FREM1: variants seen among roughly 807,000 people sequenced by gnomAD.
FREM1 encodes FRAS1-related extracellular matrix protein 1.
In FREM1, 220 loss-of-function variants were observed where a neutral mutation model predicts 210.1. The observed-to-expected ratio is 1.05, with a 90% CI of 0.94 to 1.17. FREM1 has a LOEUF of 1.17. Among genes scored for constraint, FREM1 ranks in the 50% most tolerant of loss-of-function variants. FREM1 has a pLI of 0.00. For missense variants in FREM1, 3,454 were observed against 2,675.5 expected (o/e 1.29, Z -6.42); for synonymous variants, 1,189 against 980.2 (o/e 1.21, Z -3.98).
At chr9:14,903,738 T>C (rs1215842729) in intron 1 of FREM1, among the ~76,000 whole-genome samples, 2 of 152,208 alleles carry the variant, frequency 1.3e-5, no homozygotes, top group Non-Finnish European at 2.9e-5. Flanking sequence ...TATAAATAAA[T>C]GAAATTAGCA....
At chr9:14,857,431 G>T in intron 5 of FREM1, 122 bp downstream of exon 5, 1 of 843,836 alleles carries the variant, frequency 1.2e-6, no homozygotes, top group Non-Finnish European at 2.1e-6. Context: ...TGAGTCGCTG[G>T]CAGTTTTACC....
At chr9:14,887,465 C>G (rs1836020307) in intron 1 of FREM1, among the ~76,000 whole-genome samples, 2 of 152,168 alleles carry the variant, frequency 1.3e-5, no homozygotes, top group Non-Finnish European at 2.9e-5. Context: ...AACTGTAAAG[C>G]AGATTCTTCT....
intron 8 of FREM1, among the ~76,000 whole-genome samples, chr9:14,844,742 T>C (rs919396822): frequency 1.3e-4 from 20 of 152,244 alleles, no homozygotes; most frequent in African/African-American, 4.8e-4. Context: ...TGAGGAGTTG[T>C]ATGTGACATA....
intron 18 of FREM1, among the ~76,000 whole-genome samples, chr9:14,805,642 T>C (rs10117322): frequency 0.055 from 8,445 of 152,288 alleles, 421 homozygotes; most frequent in East Asian, 0.27. Context: ...TATTTTGACA[T>C]GGGCTTAAAT....
intron 24 of FREM1, among the ~76,000 whole-genome samples, chr9:14,780,166 T>C (rs1381730698): frequency 6.6e-6 from 1 of 152,096 alleles, no homozygotes; most frequent in Non-Finnish European, 1.5e-5. Flanking sequence ...AAGTTGGTGG[T>C]AGCAGCTCCT....
chr9:14,825,427 G>GCAGTGGGCTGAGATCA (rs1822161397), intron 10 of FREM1, among the ~76,000 whole-genome samples: 1 of 148,404 alleles, frequency 6.7e-6, no homozygotes, highest in African/African-American at 2.5e-5. Flanking sequence ...GGAGGAGGTT[G>GCAGTGGGCTGAGATCA]CAGTGGGCTG....
intron 25 of FREM1, among the ~76,000 whole-genome samples, chr9:14,774,700 G>C (rs1055489581): frequency 5.3e-5 from 8 of 152,150 alleles, no homozygotes; most frequent in African/African-American, 1.7e-4. Context: ...TCAAGGGTTT[G>C]AGAGCCAGAA....
At chr9:14,780,463 T>G (rs1849484941) in intron 24 of FREM1, among the ~76,000 whole-genome samples, 2 of 100,514 alleles carry the variant, frequency 2.0e-5, no homozygotes, top group South Asian at 6.8e-4. Flanking sequence ...CCAGCCGGCA[T>G]GTCAAAATGG....
intron 1 of FREM1, among the ~76,000 whole-genome samples, chr9:14,890,852 T>C (rs1486581584): frequency 1.3e-5 from 2 of 152,212 alleles, no homozygotes; most frequent in Non-Finnish European, 2.9e-5. Context: ...TCAAAGCCTC[T>C]TAAACCATCA....
At chr9:14,806,087 T>G (rs1818290243) in intron 18 of FREM1, among the ~76,000 whole-genome samples, 1 of 152,206 alleles carries the variant, frequency 6.6e-6, no homozygotes, top group African/African-American at 2.4e-5. Context: ...CATTCTTTCT[T>G]CAATGTTTAT....
intron 1 of FREM1, among the ~76,000 whole-genome samples, chr9:14,870,005 CATG>C (rs750106518): frequency 1.3e-5 from 2 of 152,166 alleles, no homozygotes; most frequent in Non-Finnish European, 2.9e-5. Flanking sequence ...CTTAGAATTT[CATG>C]ATGATTTCTC....
chr9:14,907,302 G>A (rs1369103489), intron 1 of FREM1, among the ~76,000 whole-genome samples: 1 of 152,210 alleles, frequency 6.6e-6, no homozygotes, highest in Admixed American at 6.5e-5. Flanking sequence ...ACTGCAGTGA[G>A]AGAAGCTGCA....
At chr9:14,817,759 A>C (rs754396586) in intron 14 of FREM1, among the ~76,000 whole-genome samples, 5 of 152,220 alleles carry the variant, frequency 3.3e-5, no homozygotes, top group African/African-American at 4.8e-5. Flanking sequence ...TAGGCAGGGT[A>C]GGAACTGAGG....
chr9:14,820,806 T>G (rs1041377334), intron 13 of FREM1, among the ~76,000 whole-genome samples: 2 of 152,200 alleles, frequency 1.3e-5, no homozygotes, highest in Non-Finnish European at 2.9e-5. Context: ...TAAACCTATA[T>G]TTTCACTGTT....
chr9:14,897,150 G>A (rs772364158), intron 1 of FREM1, among the ~76,000 whole-genome samples: 2 of 152,260 alleles, frequency 1.3e-5, no homozygotes, highest in Admixed American at 6.5e-5. Context: ...CAAATTTTAC[G>A]TAAAATAACA....
chr9:14,801,760 G>A lies in FREM1; in HGVS notation c.3586C>T (p.Leu1196Phe). 1 of 1,613,968 alleles carries A rather than the reference G, an allele frequency of 6.2e-7. No homozygotes were observed. Among genetic ancestry groups the A allele is most frequent in the Non-Finnish European group, 8.5e-7 (1 of 1,179,850 alleles). Residue 1196 changes from leucine (L) to phenylalanine (F), a missense_variant, in exon 20 of 37, where the codon CTC (leucine) becomes TTC (phenylalanine). Transcript: ENST00000380880. ...SITQKPRHGL[L>F]IDRGFSKDFS... ...TCTTTGCTAAACCCCCTATCGATGA[G>A]GAGGCCATGGCGTGGCTTTTGAGTG...
chr9:14,739,485 ATATATATTCATATATATATGAATATATG>A (rs1170792570), intron 36 of FREM1, among the ~76,000 whole-genome samples: 2 of 145,552 alleles, frequency 1.4e-5, no homozygotes, highest in Admixed American at 6.9e-5. Context: ...TAATTCATAT[ATATATATTCATATATATATGAATATATG>A]TATATATTCC....
At chr9:14,830,423 G>T (rs1823333707) in intron 10 of FREM1, among the ~76,000 whole-genome samples, 1 of 152,114 alleles carries the variant, frequency 6.6e-6, no homozygotes, top group Non-Finnish European at 1.5e-5. Context: ...GCCTGGGATT[G>T]GGTGTTTAAT....
At chr9:14,799,987 C>A (rs971689967) in intron 20 of FREM1, among the ~76,000 whole-genome samples, 2 of 139,306 alleles carry the variant, frequency 1.4e-5, no homozygotes, top group Non-Finnish European at 3.1e-5. Context: ...GTGATGTTCC[C>A]CTTCCTGTGT....
Sources: gnomAD v4.1 joint callset for allele counts (sites outside exome capture counted in the v4.1 genomes callset) on GRCh38, gnomAD v4.1.1 for gene constraint, MANE v1.5 for transcripts, NCBI Gene and HGNC (gene_info 2026-07-23, HGNC 2026-07-21) for gene names.